CCDC154: variants seen among roughly 807,000 people sequenced by gnomAD.
CCDC154 encodes coiled-coil domain-containing protein 154.
Under a neutral mutation model 87.5 loss-of-function variants are expected in CCDC154, and 91 were observed. That is an observed-to-expected ratio of 1.04 (90% CI 0.88 to 1.24). The LOEUF (loss-of-function observed/expected upper bound fraction) is 1.24. Among genes scored for constraint, CCDC154 ranks in the 50% most tolerant of loss-of-function variants. The pLI is 0.00. For missense variants in CCDC154, 903 were observed against 879.2 expected (o/e 1.03, Z -0.34); for synonymous variants, 418 against 400.4 (o/e 1.04, Z -0.52).
intron 1 of CCDC154, 82 bp downstream of exon 1, chr16:1,444,234 C>A: frequency 8.0e-7 from 1 of 1,255,358 alleles, no homozygotes. Flanking sequence ...CTGGAGGGAG[C>A]CCGGGGTCAG....
At chr16:1,438,233 G>A (rs957484571) in intron 9 of CCDC154, 57 bp from the exon 10 acceptor site, 101 of 1,448,856 alleles carry the variant, frequency 7.0e-5, no homozygotes, top group Non-Finnish European at 8.5e-5. Flanking sequence ...TCTCAGCCCT[G>A]GGCCAGGGAG....
intron 6 of CCDC154, among the ~76,000 whole-genome samples, chr16:1,441,967 G>A (rs35522450): frequency 0.36 from 55,041 of 151,754 alleles, 10,963 homozygotes; most frequent in Non-Finnish European, 0.44. Context: ...CTGTCACCAG[G>A]CTGGAGTGGC....
At chr16:1,442,996 C>T (rs1390993410) in intron 4 of CCDC154, 21 bp from the exon 5 acceptor site, 2 of 1,549,678 alleles carry the variant, frequency 1.3e-6, no homozygotes, top group South Asian at 2.4e-5. Context: ...ACAAGCCATT[C>T]CCGAGAGGCC....
intron 11 of CCDC154, 52 bp from the exon 12 acceptor site, chr16:1,436,863 A>G: frequency 6.5e-7 from 1 of 1,544,722 alleles, no homozygotes; most frequent in South Asian, 1.2e-5. Flanking sequence ...GGGGACAGAC[A>G]GATGGAAAGA....
chr16:1,440,201 A>G (rs547203873), intron 6 of CCDC154, among the ~76,000 whole-genome samples: 28 of 148,648 alleles, frequency 1.9e-4, no homozygotes, highest in Middle Eastern at 3.8e-3. Context: ...TGAAATCCCA[A>G]CACTTTGGGA....
rs1232005469 is a variant in CCDC154, at chr16:1,444,187, T to G, written c.7+129A>C. The G allele has an allele frequency of 5.4e-6, 6 of 1,107,718 alleles. No homozygotes were observed. In the East Asian group the frequency reaches 2.9e-4, roughly 54 times the overall value. 68.6% of individuals were successfully genotyped at this position (1,107,718 alleles called of 1,614,324 possible). ...GCTCAGACAAGTCCAGGGCCCTGCC[T>G]GAAGACACACAGCACTGGGCGGCAG... On this transcript the variant is annotated intron_variant, in intron 1 of 16. Coordinates refer to ENST00000389176, the MANE Select transcript of CCDC154 (RefSeq NM_001143980.3).
At chr16:1,434,589 CACCTGCTGCCTG>C in intron 16 of CCDC154, 55 bp from the exon 17 acceptor site, 1 of 1,521,978 alleles carries the variant, frequency 6.6e-7, no homozygotes, top group Non-Finnish European at 8.8e-7. Context: ...CCCCATGGCC[CACCTGCTGCCTG>C]TGGGCCCCCA....
chr16:1,438,210 G>T, intron 9 of CCDC154, 34 bp from the exon 10 acceptor site: 1 of 1,489,250 alleles, frequency 6.7e-7, no homozygotes. Flanking sequence ...ACCCTCAGTG[G>T]AGCCTGCCCA....
chr16:1,438,778 C>T (rs1339149470), intron 8 of CCDC154, 37 bp downstream of exon 8: 13 of 1,542,648 alleles, frequency 8.4e-6, no homozygotes, highest in African/African-American at 4.1e-5. Context: ...TGCACCCCGG[C>T]CCCGGCCCCA....
chr16:1,435,218 T>C (rs2038490278), intron 14 of CCDC154, 43 bp from the exon 15 acceptor site: 5 of 1,517,914 alleles, frequency 3.3e-6, no homozygotes, highest in African/African-American at 2.8e-5. Context: ...GCCAGTCTGC[T>C]GGCATCCTGC....
intron 14 of CCDC154, chr16:1,435,402 G>A: frequency 1.7e-6 from 1 of 575,940 alleles, no homozygotes; most frequent in Non-Finnish European, 3.1e-6. Context: ...GGTTGTTCCG[G>A]CCCTCGTGGC....
intron 6 of CCDC154, among the ~76,000 whole-genome samples, chr16:1,441,301 G>A (rs1027336652): frequency 6.6e-6 from 1 of 152,202 alleles, no homozygotes; most frequent in African/African-American, 2.4e-5. Context: ...CTTCCTGAAG[G>A]GCAGTGAGAG....
intron 6 of CCDC154, 80 bp from the exon 7 acceptor site, chr16:1,439,206 A>G (rs1037691630): frequency 4.4e-5 from 55 of 1,251,300 alleles, no homozygotes; most frequent in Non-Finnish European, 5.1e-5. Flanking sequence ...GGTCTCCATC[A>G]GAGTTGGAGT....
intron 6 of CCDC154, among the ~76,000 whole-genome samples, chr16:1,440,948 C>T (rs1844117932): frequency 7.6e-6 from 1 of 130,956 alleles, no homozygotes; most frequent in African/African-American, 3.0e-5. Flanking sequence ...GAGACTCCGT[C>T]TTAAAAAAAA....
chr16:1,438,737 C>A lies in CCDC154; in HGVS notation c.907G>T (p.Glu303Ter). Residue 303 changes from glutamate to a stop codon, truncating the protein, a stop_gained and splice_region_variant, in exon 9 of 17, where the codon GAG becomes TAG. Transcript: ENST00000389176. LOFTEE classifies it high-confidence loss of function. ...TGGCACTGCTCCAGGAGGTGGCTCT[C>A]CTGCCAGGGGGTGGAGGCCGCCCTG... ...RLRALQGQHE[E>*]SHLLEQCQGL... is the part of the protein sequence containing the mutation. 6.5e-7 allele frequency: 1 copy of A among 1,549,438 alleles called. No individual in the cohort carries two copies. The highest frequency in any genetic ancestry group is 8.7e-7 in the Non-Finnish European group (1 of 1,146,512).
chr16:1,438,930 G>A lies in CCDC154; in HGVS notation c.791C>T (p.Ser264Leu), dbSNP rs190211752. 2.7e-5 allele frequency: 42 copies of A among 1,549,348 alleles called. No homozygotes were observed. The highest frequency in any genetic ancestry group is 1.9e-4 in the African/African-American group (14 of 73,136). ...CTCCAGCTTCAGCCGTGAGCTCTCC[G>A]AGGCCTTCATTCTCTGTGGGGAGAC... ...FLALEKRMKA[S>L]ESSRLKLEGS... The change falls in exon 8 of 17, where the codon TCG becomes TTG. Residue 264 changes from serine to leucine, a missense_variant. Coordinates refer to ENST00000389176, the MANE Select transcript of CCDC154 (RefSeq NM_001143980.3).
chr16:1,436,516 C>A lies in CCDC154; in HGVS notation c.1416G>T (p.Glu472Asp). 6.5e-7 allele frequency: 1 copy of A among 1,548,946 alleles called. No homozygotes were observed. Among genetic ancestry groups the A allele is most frequent in the Non-Finnish European group, 8.7e-7 (1 of 1,146,916 alleles). ...EKVDGLPQQI[E>D]SVSDKCLLHK... ...GAAGCAGGCACTTGTCGGAGACACT[C>A]TCTATCTGAACACAGAGCCGGGAGC... Residue 472 changes from glutamate (E) to aspartate (D), a missense_variant, in exon 13 of 17, where the codon GAG (glutamate) becomes GAT (aspartate). Coordinates refer to ENST00000389176, the MANE Select transcript of CCDC154 (RefSeq NM_001143980.3).
rs2038585078 is a variant in CCDC154, at chr16:1,443,963, T to C, written c.57A>G (p.Arg19=). The C allele has an allele frequency of 1.5e-6, 2 of 1,303,094 alleles. No homozygotes were observed. Among genetic ancestry groups the C allele is most frequent in the Non-Finnish European group, 2.0e-6 (2 of 988,912 alleles). 80.7% of individuals were successfully genotyped at this position (1,303,094 alleles called of 1,614,324 possible). ...PSGASAPSQL[R]AVTLEDLGLL... ...GCCCCAGGTCTTCCAGGGTGACGGCTCTCAGCTGGGAAGGGGCCGATGCCC... is the reference window on the plus strand; with the variant it reads ...GCCCCAGGTCTTCCAGGGTGACGGCCCTCAGCTGGGAAGGGGCCGATGCCC... The change falls in exon 2 of 17, where the codon AGA becomes AGG. Residue 19 remains arginine, a synonymous_variant. Transcript: ENST00000389176.
chr16:1,436,381 A>G, intron 13 of CCDC154, 64 bp downstream of exon 13: 1 of 1,339,830 alleles, frequency 7.5e-7, no homozygotes, highest in Non-Finnish European at 1.0e-6. Flanking sequence ...TAGCGTGGGG[A>G]CCGGCCCAGC....
Sources: gnomAD v4.1 joint callset for allele counts (sites outside exome capture counted in the v4.1 genomes callset) on GRCh38, gnomAD v4.1.1 for gene constraint, MANE v1.5 for transcripts, NCBI Gene and HGNC (gene_info 2026-07-23, HGNC 2026-07-21) for gene names.